Variants in FBXL13 observed in about 807,000 individuals in gnomAD.
The protein encoded by FBXL13 is F-box and leucine rich repeat protein 13.
In FBXL13, 67 loss-of-function variants were observed where a neutral mutation model predicts 83.6. The observed-to-expected ratio is 0.80, with a 90% CI of 0.66 to 0.98. FBXL13 has a LOEUF of 0.98. Among genes scored for constraint, FBXL13 ranks in the 50% least tolerant of loss-of-function variants. The pLI, the probability that FBXL13 is intolerant of heterozygous loss-of-function variation, is 0.00. For missense variants in FBXL13, 822 were observed against 866.5 expected (o/e 0.95, Z 0.64); for synonymous variants, 272 against 299.5 (o/e 0.91, Z 0.95).
At position 102,813,438 on chromosome 7, in the gene FBXL13, G is replaced by A. The variant is rs766621895; in HGVS notation, c.2112C>T (p.Asn704=). Reference sequence around the variant, plus strand: ...TTATGTTGTCAAGCTCTGTAACAGGGTTTCCTTCCCTATCATAGCCAAACC... The same window carrying A: ...TTATGTTGTCAAGCTCTGTAACAGGATTTCCTTCCCTATCATAGCCAAACC... Residue 704 remains asparagine, a synonymous_variant, in exon 20 of 20, where the codon AAC becomes AAT. Transcript: ENST00000313221. 5.5e-5 allele frequency: 89 copies of A among 1,613,984 alleles called. No individual in the cohort carries two copies. The South Asian group carries it at 8.7e-4, about 16-fold the overall frequency.
chr7:102,836,482 G>A (rs1349350252), intron 17 of FBXL13, among the ~76,000 whole-genome samples: 1 of 152,152 alleles, frequency 6.6e-6, no homozygotes, highest in Non-Finnish European at 1.5e-5. Flanking sequence ...CTCCAATGCT[G>A]CAGAATCATA....
chr7:102,942,912 G>A (rs1023386549), intron 8 of FBXL13, among the ~76,000 whole-genome samples: 2 of 152,136 alleles, frequency 1.3e-5, no homozygotes, highest in African/African-American at 2.4e-5. Flanking sequence ...GAGTATTTCT[G>A]GAGTATCTGG....
chr7:102,909,504 G>T (rs897674639), intron 11 of FBXL13, among the ~76,000 whole-genome samples: 1 of 152,046 alleles, frequency 6.6e-6, no homozygotes, highest in Non-Finnish European at 1.5e-5. Flanking sequence ...AGTCTCACCT[G>T]AAGCCTGCAA....
intron 6 of FBXL13, among the ~76,000 whole-genome samples, chr7:102,987,152 AAGGGAG>A (rs1829066390): frequency 6.6e-6 from 1 of 152,110 alleles, no homozygotes; most frequent in South Asian, 2.1e-4. Flanking sequence ...GAGACTCTGA[AAGGGAG>A]AGGGCGAGAG....
At chr7:103,004,597 T>G (rs11976126) in intron 6 of FBXL13, among the ~76,000 whole-genome samples, 12 of 152,228 alleles carry the variant, frequency 7.9e-5, no homozygotes, top group Non-Finnish European at 1.6e-4. Flanking sequence ...AGAACAGTTT[T>G]CCTGCAAAGA....
intron 6 of FBXL13, among the ~76,000 whole-genome samples, chr7:102,992,763 C>T (rs1334681089): frequency 6.6e-6 from 1 of 152,148 alleles, no homozygotes; most frequent in Non-Finnish European, 1.5e-5. Context: ...TACGCCAGCA[C>T]ATCTGGCTAA....
chr7:102,819,576 G>A lies in FBXL13; in HGVS notation c.2018+2464C>T, dbSNP rs139911670. ...TATGTATAAAACAGCCTCTTCTGAC[G>A]GCTGTAATTGGACCTTAAGGGCTGC... On this transcript the variant is annotated intron_variant, in intron 19 of 19. Coordinates refer to ENST00000313221, the Ensembl canonical transcript of FBXL13. Among the ~76,000 whole-genome samples the A allele has an allele frequency of 1.5e-3, 228 of 152,230 alleles. 2 individuals carry two copies. Among genetic ancestry groups the A allele is most frequent in the African/African-American group, 5.3e-3 (220 of 41,524 alleles).
intron 6 of FBXL13, chr7:102,973,583 T>C (rs373987346): frequency 1.6e-5 from 12 of 765,478 alleles, no homozygotes; most frequent in Non-Finnish European, 2.4e-5. Flanking sequence ...GTTGGCACAC[T>C]CTCAAGAGTT....
At chr7:102,973,604 C>A (rs752009728) in intron 6 of FBXL13, 1 of 766,028 alleles carries the variant, frequency 1.3e-6, no homozygotes, top group East Asian at 2.4e-5. Context: ...TGAACGGATA[C>A]AAGAATCTTT....
intron 6 of FBXL13, among the ~76,000 whole-genome samples, chr7:103,015,466 G>T (rs992729186): frequency 2.6e-5 from 4 of 152,132 alleles, no homozygotes; most frequent in Non-Finnish European, 4.4e-5. Context: ...AAAGTTCTTT[G>T]ATCTGACAAA....
chr7:102,864,374 A>ATT lies in FBXL13; in HGVS notation c.1636-9516_1636-9515dup, dbSNP rs10678128. On this transcript the variant is annotated intron_variant, in intron 16 of 19. Coordinates refer to ENST00000313221, the Ensembl canonical transcript of FBXL13. Reference sequence around the variant, plus strand: ...ACAGAGACAACAGAGACAAGTGTTCATTTTTTTTTTTAAGATGGAGTCTTC... The same window carrying ATT: ...ACAGAGACAACAGAGACAAGTGTTCATTTTTTTTTTTTTAAGATGGAGTCTTC... 8.5e-3 allele frequency among the ~76,000 whole-genome samples: 1,253 copies of ATT among 147,778 alleles called. 8 individuals are homozygous for ATT. The highest frequency in any genetic ancestry group is 0.021 in the South Asian group (98 of 4,610).
intron 10 of FBXL13, among the ~76,000 whole-genome samples, chr7:102,915,564 C>T (rs847649): frequency 0.48 from 72,632 of 151,910 alleles, 19,977 homozygotes; most frequent in African/African-American, 0.77. Flanking sequence ...AAAATGAGAA[C>T]TGAGCTAGGA....
chr7:102,846,025 A>G (rs527630977), intron 17 of FBXL13, among the ~76,000 whole-genome samples: 1 of 152,342 alleles, frequency 6.6e-6, no homozygotes, highest in African/African-American at 2.4e-5. Context: ...CAGTTTGTAA[A>G]ATGGAATTAA....
intron 19 of FBXL13, among the ~76,000 whole-genome samples, chr7:102,815,105 G>A (rs748183844): frequency 6.6e-6 from 1 of 151,970 alleles, no homozygotes; most frequent in Non-Finnish European, 1.5e-5. Context: ...CAAACAGCAA[G>A]GCTCCATCAT....
chr7:102,939,662 G>GTT, intron 8 of FBXL13: 1 of 1,248,880 alleles, frequency 8.0e-7, no homozygotes, highest in South Asian at 1.8e-5. Flanking sequence ...CTTATATACA[G>GTT]TAAATTCAGT....
intron 17 of FBXL13, among the ~76,000 whole-genome samples, chr7:102,834,102 GAAAGAA>G (rs1801348155): frequency 2.0e-5 from 2 of 101,992 alleles, no homozygotes; most frequent in Non-Finnish European, 1.9e-5. Flanking sequence ...AAGAAAGAAA[GAAAGAA>G]AGAAAGAAAG....
intron 11 of FBXL13, among the ~76,000 whole-genome samples, chr7:102,886,363 A>G (rs1433109696): frequency 6.6e-6 from 1 of 152,100 alleles, no homozygotes; most frequent in African/African-American, 2.4e-5. Context: ...TGGAGACTTC[A>G]TTTGCGCCAC....
intron 6 of FBXL13, among the ~76,000 whole-genome samples, chr7:102,985,967 T>C (rs1332874663): frequency 6.6e-6 from 1 of 151,862 alleles, no homozygotes; most frequent in Non-Finnish European, 1.5e-5. Flanking sequence ...CTAGAATGCA[T>C]GGGAGATACT....
intron 6 of FBXL13, among the ~76,000 whole-genome samples, chr7:103,019,972 T>C (rs1174884601): frequency 6.6e-6 from 1 of 152,230 alleles, no homozygotes; most frequent in African/African-American, 2.4e-5. Context: ...TAACTCATTT[T>C]ATGAGGCCAG....
Sources: gnomAD v4.1 joint callset for allele counts (sites outside exome capture counted in the v4.1 genomes callset) on GRCh38, gnomAD v4.1.1 for gene constraint, MANE v1.5 for transcripts, NCBI Gene and HGNC (gene_info 2026-07-23, HGNC 2026-07-21) for gene names.